BARD1: variants seen among roughly 807,000 people sequenced by gnomAD.
BARD1 encodes the protein BRCA1-associated RING domain protein 1.
In BARD1, 73 loss-of-function variants were observed where a neutral mutation model predicts 77.0. The observed-to-expected ratio is 0.95, with a 90% CI of 0.79 to 1.15. The LOEUF (loss-of-function observed/expected upper bound fraction) is 1.15, where lower values mean the gene tolerates loss of function less well. BARD1 is among the 50% of genes most tolerant of loss of function. The pLI is 0.00. For synonymous variants in BARD1, 384 were observed against 338.0 expected (o/e 1.14, Z -1.49); for missense variants, 993 against 938.8 (o/e 1.06, Z -0.75).
At chr2:214,783,056 C>G (rs1047627851) in intron 3 of BARD1, among the ~76,000 whole-genome samples, 32 of 152,162 alleles carry the variant, frequency 2.1e-4, no homozygotes, top group Admixed American at 2.0e-3. Context: ...TATCAGGGGA[C>G]TGGTTCGAGA....
intron 3 of BARD1, among the ~76,000 whole-genome samples, chr2:214,783,828 G>C (rs1695150289): frequency 6.6e-6 from 1 of 152,086 alleles, no homozygotes; most frequent in African/African-American, 2.4e-5. Flanking sequence ...GCAGAAAACT[G>C]AAACTGGACC....
At chr2:214,794,885 G>A (rs933426034) in intron 2 of BARD1, among the ~76,000 whole-genome samples, 2 of 152,106 alleles carry the variant, frequency 1.3e-5, no homozygotes, top group Non-Finnish European at 2.9e-5. Context: ...TCTTTCCTAC[G>A]TTCATGTCAT....
chr2:214,773,517 C>T (rs779528008), intron 4 of BARD1, among the ~76,000 whole-genome samples: 4 of 151,988 alleles, frequency 2.6e-5, no homozygotes, highest in East Asian at 3.9e-4. Flanking sequence ...CAGGTCACTG[C>T]GATAAAGCAA....
intron 1 of BARD1, among the ~76,000 whole-genome samples, chr2:214,803,647 C>A (rs1696133840): frequency 6.6e-6 from 1 of 152,180 alleles, no homozygotes; most frequent in Non-Finnish European, 1.5e-5. Context: ...CTGACACATC[C>A]CCCTCTCGGA....
At chr2:214,772,690 C>T (rs1452491472) in intron 4 of BARD1, among the ~76,000 whole-genome samples, 7 of 152,108 alleles carry the variant, frequency 4.6e-5, no homozygotes, top group Non-Finnish European at 8.8e-5. Flanking sequence ...AAACGGCTTG[C>T]TTTTTATAAC....
intron 6 of BARD1, among the ~76,000 whole-genome samples, chr2:214,765,329 T>TA: frequency 6.6e-6 from 1 of 152,274 alleles, no homozygotes; most frequent in African/African-American, 2.4e-5. Flanking sequence ...CCACTCCTTG[T>TA]ATATTAATAA....
intron 3 of BARD1, 135 bp downstream of exon 3, chr2:214,792,162 A>AAC (rs1695544837): frequency 1.0e-6 from 1 of 967,668 alleles, no homozygotes; most frequent in Non-Finnish European, 1.5e-6. Flanking sequence ...AAAAAAAAAA[A>AAC]AAAAAACCTA....
At chr2:214,795,005 C>T (rs1392792385) in intron 2 of BARD1, among the ~76,000 whole-genome samples, 1 of 152,140 alleles carries the variant, frequency 6.6e-6, no homozygotes, top group Non-Finnish European at 1.5e-5. Flanking sequence ...GGATCCCCCA[C>T]CCCACCACAC....
At chr2:214,758,905 G>A (rs577181114) in intron 6 of BARD1, among the ~76,000 whole-genome samples, 1 of 152,288 alleles carries the variant, frequency 6.6e-6, no homozygotes, top group East Asian at 1.9e-4. Flanking sequence ...TGCATGTACA[G>A]ACCATCCAAA....
intron 8 of BARD1, among the ~76,000 whole-genome samples, 198 bp from the exon 9 acceptor site, chr2:214,745,357 A>T (rs1263226780): frequency 6.6e-6 from 1 of 152,250 alleles, no homozygotes; most frequent in Non-Finnish European, 1.5e-5. Context: ...AAATCAGATC[A>T]TAAACCATAT....
At position 214,726,783 on chromosome 2, in the gene BARD1, T is replaced by G. The variant is rs907634717; in HGVS notation, c.*1893A>C. 2 of 227,332 alleles carry G rather than the reference T, an allele frequency of 8.8e-6. No individual in the cohort carries two copies. The highest frequency in any genetic ancestry group is 1.7e-5 in the Non-Finnish European group (2 of 114,432). The allele number at this position is 227,332 out of a possible 1,614,324, so 14.1% of individuals were successfully genotyped here. ...ACACAAACTAACTGCTGTCAAATAT[T>G]TAACAAAAGCAAAGATGAAACTGCT... is the stretch of plus-strand genomic sequence containing the variant. On this transcript the variant is annotated 3_prime_UTR_variant, in exon 11 of 11. Transcript: ENST00000260947.
At chr2:214,759,255 C>T (rs1012817183) in intron 6 of BARD1, among the ~76,000 whole-genome samples, 1 of 152,016 alleles carries the variant, frequency 6.6e-6, no homozygotes, top group Non-Finnish European at 1.5e-5. Flanking sequence ...CTGTTAATGG[C>T]AGATCAAGTA....
rs786203129 is a variant in BARD1 at position 214,780,910 on chromosome 2, G to A, written c.964C>T (p.Arg322Cys). Residue 322 changes from arginine (R) to cysteine (C), a missense_variant, in exon 4 of 11, where the codon CGT becomes TGT. By Grantham distance (180) the Arg-to-Cys change is radical. Transcript: ENST00000260947. ...CTGGAAAGTCTATTGTGATGGCCAC[G>A]TTTTCCATTATTTTCTAATGGCAAA... is the stretch of plus-strand genomic sequence containing the variant. Reference protein sequence around the residue: ...KSLPLENNGKRGHHNRLSSPI... With the variant: ...KSLPLENNGKCGHHNRLSSPI... The A allele has an allele frequency of 6.2e-6, 10 of 1,613,890 alleles. No individual in the cohort carries two copies. The highest frequency in any genetic ancestry group is 3.3e-5 in the South Asian group (3 of 91,076).
intron 7 of BARD1, among the ~76,000 whole-genome samples, chr2:214,752,030 T>C (rs1255817096): frequency 6.6e-6 from 1 of 152,208 alleles, no homozygotes; most frequent in Non-Finnish European, 1.5e-5. Flanking sequence ...TGACCCTAGC[T>C]AAAGCAATGG....
chr2:214,768,422 C>A (rs1480524268), intron 5 of BARD1, among the ~76,000 whole-genome samples: 2 of 149,350 alleles, frequency 1.3e-5, no homozygotes, highest in African/African-American at 2.5e-5. Flanking sequence ...CTACAACTTG[C>A]CTTAGTGGCT....
chr2:214,768,996 A>T (rs1462305242), intron 5 of BARD1, among the ~76,000 whole-genome samples: 1 of 152,234 alleles, frequency 6.6e-6, no homozygotes, highest in Admixed American at 6.5e-5. Flanking sequence ...TCTGCAGTAC[A>T]GTACAAATGG....
chr2:214,786,801 C>T (rs140389532), intron 3 of BARD1, among the ~76,000 whole-genome samples: 126 of 152,044 alleles, frequency 8.3e-4, no homozygotes, highest in African/African-American at 3.0e-3. Flanking sequence ...CATAGCTGAA[C>T]ATGACCTGGT....
intron 3 of BARD1, among the ~76,000 whole-genome samples, chr2:214,786,942 T>C (rs1414199932): frequency 1.3e-5 from 2 of 152,070 alleles, no homozygotes; most frequent in East Asian, 3.9e-4. Context: ...ACCAAGTCAC[T>C]TCTGATATAA....
chr2:214,794,182 T>C (rs2106139553), intron 2 of BARD1, among the ~76,000 whole-genome samples: 1 of 152,144 alleles, frequency 6.6e-6, no homozygotes, highest in East Asian at 1.9e-4. Context: ...AGCCAAGAAG[T>C]TGAGGCTGTA....
Sources: allele counts gnomAD v4.1 joint callset (sites outside exome capture counted in the v4.1 genomes callset), GRCh38; gene constraint gnomAD v4.1.1; transcripts MANE v1.5; gene names NCBI Gene and HGNC (gene_info 2026-07-23, HGNC 2026-07-21).